Variants in SMAD2 observed in about 807,000 individuals in gnomAD.
The protein encoded by SMAD2 is SMAD family member 2.
A neutral mutation model predicts 64.4 loss-of-function variants in SMAD2; 8 were observed. The ratio of observed to expected loss-of-function variants is 0.12; its 90% CI spans 0.07 to 0.22. The LOEUF (loss-of-function observed/expected upper bound fraction) is 0.22. Ranked by LOEUF, SMAD2 falls within the 10% of genes least tolerant of loss-of-function variation. SMAD2 has a pLI of 1.00. For missense variants in SMAD2, 289 were observed against 561.2 expected (o/e 0.51, Z 4.90); for synonymous variants, 203 against 195.8 (o/e 1.04, Z -0.31).
chr18:47,911,095 T>C (rs1389940491), intron 1 of SMAD2, among the ~76,000 whole-genome samples: 1 of 151,916 alleles, frequency 6.6e-6, no homozygotes, highest in East Asian at 1.9e-4. Context: ...CTCACGCCTG[T>C]AATCCCAGCA....
At position 47,819,857 on chromosome 18, in the gene SMAD2, T is replaced by C. The variant is rs887557562; in HGVS notation, c.*21970A>G. 5 of 141,580 alleles carry C rather than the reference T, an allele frequency of 3.5e-5. No homozygotes were observed. The highest frequency in any genetic ancestry group is 7.6e-5 in the Non-Finnish European group (5 of 65,792). The allele number at this position is 141,580 out of a possible 1,614,324, so 8.8% of individuals were successfully genotyped here. On this transcript the variant is annotated 3_prime_UTR_variant, in exon 11 of 11. Transcript: ENST00000262160. The stretch of plus-strand genomic sequence containing the variant: ...AAACGGGATAAGCAAGGGTGAGACA[T>C]GGTGGTATGCAGGTATGCATCTATA...
In SMAD2 at chr18:47,811,862, G is replaced by A. The variant is rs1467282788; in HGVS notation, c.*29965C>T. 1 of 152,188 alleles carries A rather than the reference G, an allele frequency of 6.6e-6. No individual in the cohort carries two copies. Among genetic ancestry groups the A allele is most frequent in the Non-Finnish European group, 1.5e-5 (1 of 68,040 alleles). 9.4% of individuals were successfully genotyped at this position (152,188 alleles called of 1,614,324 possible). On this transcript the variant is annotated 3_prime_UTR_variant, in exon 11 of 11. Transcript: ENST00000262160. Reference sequence around the variant, plus strand: ...GTCGATCAAGAAGCATTTATTGCATGCCTACCATATATAAAGCACTGCTGG... The same window carrying A: ...GTCGATCAAGAAGCATTTATTGCATACCTACCATATATAAAGCACTGCTGG...
In SMAD2 at chr18:47,879,718, G is replaced by C. The variant is rs1056319061; in HGVS notation, c.237-9154C>G. 6.6e-5 allele frequency among the ~76,000 whole-genome samples: 10 copies of C among 152,210 alleles called. No homozygotes were observed. In the East Asian group the frequency reaches 1.9e-3, roughly 29 times the overall value. On this transcript the variant is annotated intron_variant, in intron 2 of 10. Coordinates refer to ENST00000262160, the MANE Select transcript of SMAD2 (RefSeq NM_005901.6). Reference sequence around the variant, plus strand: ...AAACACCTAGAAGTGAAAATCTTGAGTCAGTGGATAGATGCATGTTTAGCT... The same window carrying C: ...AAACACCTAGAAGTGAAAATCTTGACTCAGTGGATAGATGCATGTTTAGCT...
In SMAD2 at chr18:47,919,839, A is replaced by G. The variant is rs118083713; in HGVS notation, c.-54+10522T>C. 3.5e-3 allele frequency among the ~76,000 whole-genome samples: 526 copies of G among 152,348 alleles called. 10 individuals carry two copies. In the East Asian group the frequency reaches 0.061, roughly 18 times the overall value. On this transcript the variant is annotated intron_variant, in intron 1 of 10. Coordinates refer to ENST00000262160, the MANE Select transcript of SMAD2 (RefSeq NM_005901.6). ...TTTCTGATTCCAAAGATTACAACGC[A>G]AAAGAAAAAAATTTTGCCTAAGTGG...
intron 1 of SMAD2, among the ~76,000 whole-genome samples, chr18:47,909,481 G>T (rs539471538): frequency 6.6e-6 from 1 of 152,106 alleles, no homozygotes; most frequent in African/African-American, 2.4e-5. Context: ...TAATGCAGGC[G>T]CAAGTGCTGT....
rs552793330 is a variant in SMAD2, at chr18:47,810,139, T to A, written c.*31688A>T. 6.6e-6 allele frequency: 1 copy of A among 152,190 alleles called. No homozygotes were observed. The highest frequency in any genetic ancestry group is 2.1e-4 in the South Asian group (1 of 4,830). The allele number at this position is 152,190 out of a possible 1,614,324, so 9.4% of individuals were successfully genotyped here. ...GCACTGGAAGATACCACAGCCCAGGTAGCCAGCCTGGGAAATGGTTTCTCA... is the reference window on the plus strand; with the variant it reads ...GCACTGGAAGATACCACAGCCCAGGAAGCCAGCCTGGGAAATGGTTTCTCA... On this transcript the variant is annotated 3_prime_UTR_variant, in exon 11 of 11. Transcript: ENST00000262160.
chr18:47,905,725 C>A (rs1264590538), intron 1 of SMAD2, among the ~76,000 whole-genome samples: 1 of 152,176 alleles, frequency 6.6e-6, no homozygotes, highest in Non-Finnish European at 1.5e-5. Context: ...CAAGTGCATA[C>A]CATCTTCAAT....
rs1913161352 is a variant in SMAD2, at chr18:47,833,910, A to C, written c.*7917T>G. On this transcript the variant is annotated 3_prime_UTR_variant, in exon 11 of 11. Coordinates refer to ENST00000262160, the MANE Select transcript of SMAD2 (RefSeq NM_005901.6). ...ATTTCAGATTAAGTTTAACCCCATA[A>C]GGACGCATGATTTGTACTTACATAT... is the stretch of plus-strand genomic sequence containing the variant. 1 of 226,318 alleles carries C rather than the reference A, an allele frequency of 4.4e-6. No homozygotes were observed. The highest frequency in any genetic ancestry group is 8.8e-6 in the Non-Finnish European group (1 of 113,954). 14.0% of individuals were successfully genotyped at this position (226,318 alleles called of 1,614,324 possible).
At position 47,836,961 on chromosome 18, in the gene SMAD2, C is replaced by G. The variant is rs1913470124; in HGVS notation, c.*4866G>C. The G allele has an allele frequency of 9.4e-6, 2 of 212,226 alleles. No homozygotes were observed. The highest frequency in any genetic ancestry group is 2.9e-3 in the Middle Eastern group (2 of 688). 13.1% of individuals were successfully genotyped at this position (212,226 alleles called of 1,614,324 possible). On this transcript the variant is annotated 3_prime_UTR_variant, in exon 11 of 11. Coordinates refer to ENST00000262160, the MANE Select transcript of SMAD2 (RefSeq NM_005901.6). ...ATTCTGACTACCTCTGGAGACCACA[C>G]ACTATCATTATTCTGACTGTCTTAA...
At chr18:47,924,078 G>A (rs945194515) in intron 1 of SMAD2, among the ~76,000 whole-genome samples, 4 of 151,774 alleles carry the variant, frequency 2.6e-5, no homozygotes, top group Non-Finnish European at 4.4e-5. Context: ...GTGAAACCCC[G>A]TTTCTATTAA....
At chr18:47,854,890 T>C (rs1401344384) in intron 6 of SMAD2, among the ~76,000 whole-genome samples, 1 of 152,166 alleles carries the variant, frequency 6.6e-6, no homozygotes, top group Non-Finnish European at 1.5e-5. Flanking sequence ...TAATTTACAT[T>C]AGGGCTATGT....
chr18:47,923,332 T>C (rs2034639341), intron 1 of SMAD2, among the ~76,000 whole-genome samples: 1 of 152,182 alleles, frequency 6.6e-6, no homozygotes, highest in Admixed American at 6.5e-5. Flanking sequence ...TCAATTCACG[T>C]GAGTGGGGTC....
Position 47,908,996 on chromosome 18 carries a change from CCA to C in SMAD2, c.-53-12189_-53-12188del, listed in dbSNP as rs531010319. Among the ~76,000 whole-genome samples, 17 of 151,718 alleles carry C rather than the reference CCA, an allele frequency of 1.1e-4. 1 individual carries two copies. The South Asian group carries it at 1.9e-3, about 17-fold the overall frequency. ...AAAAACTCCAATTGCTTGGTATGTA[CCA>C]CAGACTGAGGTCTGCAGCTGCAGTT... On this transcript the variant is annotated intron_variant, in intron 1 of 10. Coordinates refer to ENST00000262160, the MANE Select transcript of SMAD2 (RefSeq NM_005901.6).
rs1164409956 is a variant in SMAD2, at chr18:47,892,437, TG to T, written c.236+4083del. On this transcript the variant is annotated intron_variant, in intron 2 of 10. Transcript: ENST00000262160. ...CTAGTCTGAAACTCCTGACCTCAGG[TG>T]ATCTGCCTGCCTCGGCCTCCCAAAG... 2.0e-5 allele frequency among the ~76,000 whole-genome samples: 3 copies of T among 152,170 alleles called. No homozygotes were observed. In the East Asian group the frequency reaches 5.8e-4, roughly 29 times the overall value.
In SMAD2 at chr18:47,831,985, C is replaced by G. The variant is rs1290111677; in HGVS notation, c.*9842G>C. The G allele has an allele frequency of 1.3e-5, 2 of 152,100 alleles. No homozygotes were observed. The highest frequency in any genetic ancestry group is 2.9e-5 in the Non-Finnish European group (2 of 68,010). The allele number at this position is 152,100 out of a possible 1,614,324, so 9.4% of individuals were successfully genotyped here. A position where few individuals can be genotyped will look rare whatever the true frequency, so the allele number is the denominator to read the frequency against. ...GATAACTGTATGTTGCAAACATGTT[C>G]CTGAACATTCTTCACCCAAACTTAG... On this transcript the variant is annotated 3_prime_UTR_variant, in exon 11 of 11. Coordinates refer to ENST00000262160, the MANE Select transcript of SMAD2 (RefSeq NM_005901.6).
chr18:47,843,794 T>C lies in SMAD2; in HGVS notation c.1280+1546A>G, dbSNP rs16958530. ...TTCTGTAATTACAGATTTTACTTTA[T>C]CTGTGAGTTAAAGAACAGCAGAGTC... is the stretch of plus-strand genomic sequence containing the variant. On this transcript the variant is annotated intron_variant, in intron 10 of 10. Transcript: ENST00000262160. 7.4e-3 allele frequency among the ~76,000 whole-genome samples: 1,122 copies of C among 152,312 alleles called. 11 individuals carry two copies. The highest frequency in any genetic ancestry group is 0.025 in the African/African-American group (1,035 of 41,564).
chr18:47,925,553 G>A (rs1034244889), intron 1 of SMAD2, among the ~76,000 whole-genome samples: 4 of 132,126 alleles, frequency 3.0e-5, no homozygotes, highest in South Asian at 5.8e-4. Flanking sequence ...CTGAAGCTGC[G>A]AGCTATCTTT....
At chr18:47,847,587 T>G (rs1248345558) in intron 8 of SMAD2, among the ~76,000 whole-genome samples, 1 of 147,084 alleles carries the variant, frequency 6.8e-6, no homozygotes, top group African/African-American at 2.5e-5. Context: ...TCAAATCCAT[T>G]ACATATTAAC....
chr18:47,875,924 T>C (rs1168668059), intron 2 of SMAD2, among the ~76,000 whole-genome samples: 2 of 152,068 alleles, frequency 1.3e-5, no homozygotes, highest in Non-Finnish European at 2.9e-5. Context: ...GAGTATAAAT[T>C]TGTCTTTTGG....
Sources: gnomAD v4.1 joint callset for allele counts (sites outside exome capture counted in the v4.1 genomes callset) on GRCh38, gnomAD v4.1.1 for gene constraint, MANE v1.5 for transcripts, NCBI Gene and HGNC (gene_info 2026-07-23, HGNC 2026-07-21) for gene names.